SPAG6: variants seen among roughly 807,000 people sequenced by gnomAD.
SPAG6 encodes sperm-associated antigen 6.
SPAG6 carries 49 observed loss-of-function variants against 58.5 expected under a neutral mutation model. That is an observed-to-expected ratio of 0.84 (90% CI 0.67 to 1.06). The LOEUF (loss-of-function observed/expected upper bound fraction) is 1.06. Ranked by LOEUF, SPAG6 falls within the 50% of genes least tolerant of loss-of-function variation. The pLI, the probability that SPAG6 is intolerant of heterozygous loss-of-function variation, is 0.00. For missense variants in SPAG6, 560 were observed against 611.3 expected, an observed-to-expected ratio of 0.92 and a Z score of 0.89; for synonymous variants, 233 against 225.6, an observed-to-expected ratio of 1.03 and a Z score of -0.29.
At chr10:22,390,671 C>T (rs181279110) in intron 7 of SPAG6, among the ~76,000 whole-genome samples, 1 of 152,282 alleles carries the variant, frequency 6.6e-6, no homozygotes, top group East Asian at 1.9e-4. Context: ...TCTCCTTTTC[C>T]TCCTGTTTCT....
At chr10:22,362,440 T>A (rs1837071411) in intron 2 of SPAG6, among the ~76,000 whole-genome samples, 1 of 151,942 alleles carries the variant, frequency 6.6e-6, no homozygotes, top group South Asian at 2.1e-4. Context: ...GCATATTTAT[T>A]ATAAAAAATA....
chr10:22,400,708 G>A (rs1329341153), intron 8 of SPAG6, among the ~76,000 whole-genome samples: 1 of 152,012 alleles, frequency 6.6e-6, no homozygotes, highest in African/African-American at 2.4e-5. Context: ...GACTGCATAT[G>A]TATAAGCCAT....
intron 9 of SPAG6, among the ~76,000 whole-genome samples, chr10:22,403,260 A>T (rs1027936932): frequency 6.6e-6 from 1 of 152,098 alleles, no homozygotes; most frequent in South Asian, 2.1e-4. Context: ...CATGAGGTAT[A>T]TCTCCCAATG....
intron 10 of SPAG6, among the ~76,000 whole-genome samples, chr10:22,413,669 CTAA>C (rs1834798816): frequency 7.0e-6 from 1 of 142,372 alleles, no homozygotes; most frequent in Non-Finnish European, 1.5e-5. Flanking sequence ...GGTTACCTGA[CTAA>C]TGTTTTCAAA....
chr10:22,407,943 T>A (rs1236445920), intron 9 of SPAG6, among the ~76,000 whole-genome samples: 2 of 148,352 alleles, frequency 1.3e-5, no homozygotes, highest in African/African-American at 5.2e-5. Flanking sequence ...CTCCTGAGGC[T>A]TCTGCATTCT....
chr10:22,413,630 A>T (rs1422404520), intron 10 of SPAG6, among the ~76,000 whole-genome samples: 1 of 151,372 alleles, frequency 6.6e-6, no homozygotes, highest in Non-Finnish European at 1.5e-5. Flanking sequence ...TTTCATTTTT[A>T]AAATTGGCTA....
intron 4 of SPAG6, among the ~76,000 whole-genome samples, chr10:22,376,653 GTA>G (rs1015976504): frequency 1.3e-5 from 2 of 152,074 alleles, no homozygotes; most frequent in African/African-American, 4.8e-5. Flanking sequence ...GTGTGTGTGT[GTA>G]TGACCTGTAG....
chr10:22,365,131 C>T lies in SPAG6; in HGVS notation c.288+112C>T, dbSNP rs149683481. 1.1e-3 allele frequency: 745 copies of T among 670,558 alleles called. 4 individuals are homozygous for T. In the African/African-American group the frequency reaches 0.012, roughly 11 times the overall value. 41.5% of individuals were successfully genotyped at this position (670,558 alleles called of 1,614,324 possible). A position where few individuals can be genotyped will look rare whatever the true frequency, so the allele number is the denominator to read the frequency against. Reference sequence around the variant, plus strand: ...GCATAAAATTATTAGGGGGTTAACACAATCTTCAATTATCTGAGCTGCATG... The same window carrying T: ...GCATAAAATTATTAGGGGGTTAACATAATCTTCAATTATCTGAGCTGCATG... On this transcript the variant is annotated intron_variant, in intron 3 of 10. Transcript: ENST00000376624.
At chr10:22,412,607 T>A in intron 10 of SPAG6, 1 of 694,760 alleles carries the variant, frequency 1.4e-6, no homozygotes, top group Non-Finnish European at 2.3e-6. Context: ...TATAACACTC[T>A]GTCTCCAGGC....
At chr10:22,397,633 A>G (rs1834327350) in intron 8 of SPAG6, among the ~76,000 whole-genome samples, 1 of 152,172 alleles carries the variant, frequency 6.6e-6, no homozygotes, top group Non-Finnish European at 1.5e-5. Flanking sequence ...TTGTATTTTC[A>G]TGTACAGGTA....
At chr10:22,409,893 T>G (rs949771068) in intron 9 of SPAG6, among the ~76,000 whole-genome samples, 1 of 152,140 alleles carries the variant, frequency 6.6e-6, no homozygotes, top group Admixed American at 6.5e-5. Flanking sequence ...CTGCAACATC[T>G]TTAGCCTTTA....
chr10:22,362,319 C>A (rs1284248606), intron 2 of SPAG6, among the ~76,000 whole-genome samples: 1 of 151,050 alleles, frequency 6.6e-6, no homozygotes. Context: ...TAAAGCTATT[C>A]TAAGCATACT....
chr10:22,379,133 C>CAGTA (rs1833892678), intron 4 of SPAG6, among the ~76,000 whole-genome samples: 1 of 152,188 alleles, frequency 6.6e-6, no homozygotes, highest in Non-Finnish European at 1.5e-5. Flanking sequence ...GAGACTTTTA[C>CAGTA]ATAGTAATAT....
chr10:22,411,953 G>A (rs943041771), intron 10 of SPAG6, among the ~76,000 whole-genome samples: 2 of 143,904 alleles, frequency 1.4e-5, no homozygotes, highest in East Asian at 2.1e-4. Context: ...GGTTCACGCC[G>A]TTCTCCTGCG....
intron 10 of SPAG6, among the ~76,000 whole-genome samples, chr10:22,415,031 G>A (rs1174178064): frequency 1.3e-5 from 2 of 152,144 alleles, no homozygotes; most frequent in Non-Finnish European, 2.9e-5. Context: ...CTCCCAAAGT[G>A]CTGGGATTAC....
chr10:22,393,552 A>G (rs1347403334), intron 8 of SPAG6, among the ~76,000 whole-genome samples: 2 of 152,188 alleles, frequency 1.3e-5, no homozygotes, highest in Non-Finnish European at 2.9e-5. Flanking sequence ...GTGTTTAACA[A>G]GTGGTGTTTT....
At chr10:22,401,331 ATT>A in intron 9 of SPAG6, 54 bp downstream of exon 9, 2 of 866,234 alleles carry the variant, frequency 2.3e-6, no homozygotes, top group South Asian at 3.2e-5. Flanking sequence ...ATTTGTTGTT[ATT>A]TTTTTTTTCT....
chr10:22,397,198 TCACA>T (rs963932120), intron 8 of SPAG6, among the ~76,000 whole-genome samples: 9 of 151,822 alleles, frequency 5.9e-5, no homozygotes, highest in Admixed American at 3.3e-4. Flanking sequence ...CCTAAGGAAT[TCACA>T]CACACAGACA....
chr10:22,397,822 C>G (rs1428026859), intron 8 of SPAG6, among the ~76,000 whole-genome samples: 3 of 152,036 alleles, frequency 2.0e-5, no homozygotes, highest in African/African-American at 7.2e-5. Flanking sequence ...TATTGATAAA[C>G]TGGCAATACT....
Sources: gnomAD v4.1 joint callset for allele counts (sites outside exome capture counted in the v4.1 genomes callset) on GRCh38, gnomAD v4.1.1 for gene constraint, MANE v1.5 for transcripts, NCBI Gene and HGNC (gene_info 2026-07-23, HGNC 2026-07-21) for gene names.